The following CXCL12 variants were observed in gnomAD, a reference collection of about 807,000 sequenced individuals.
The protein encoded by CXCL12 is C-X-C motif chemokine ligand 12.
In CXCL12, 4 loss-of-function variants were observed where a neutral mutation model predicts 10.7. That is an observed-to-expected ratio of 0.37 (90% CI 0.18 to 0.86). The LOEUF (loss-of-function observed/expected upper bound fraction) is 0.86, where lower values mean the gene tolerates loss of function less well. Among genes scored for constraint, CXCL12 ranks in the 40% least tolerant of loss-of-function variants. The probability of loss-of-function intolerance (pLI) is 0.43; values close to 1 mark genes in which losing one functional copy is unlikely to be tolerated. For synonymous variants in CXCL12, 54 were observed against 45.4 expected, an observed-to-expected ratio of 1.19 and a Z score of -0.77; for missense variants, 122 against 110.4, an observed-to-expected ratio of 1.10 and a Z score of -0.47.
downstream of CXCL12, chr10:44,376,112 G>A (rs764222825): frequency 9.2e-5 from 136 of 1,484,928 alleles, no homozygotes; most frequent in Non-Finnish European, 1.1e-4. Flanking sequence ...TTTAACACTG[G>A]CCCGTGTACT....
chr10:44,383,076 G>A (rs1213746806), intron 1 of CXCL12, among the ~76,000 whole-genome samples: 2 of 152,326 alleles, frequency 1.3e-5, no homozygotes, highest in African/African-American at 2.4e-5. Flanking sequence ...CCCACCCTGA[G>A]TTTAAGCCCG....
At position 44,384,991 on chromosome 10, in the gene CXCL12, G is replaced by C. The variant is rs749996095; in HGVS notation, c.15C>G (p.Val5=). The C allele has an allele frequency of 7.6e-6, 7 of 922,750 alleles. No homozygotes were observed. The Admixed American group carries it at 1.7e-4, about 23-fold the overall frequency. The allele number at this position is 922,750 out of a possible 1,614,324, so 57.2% of individuals were successfully genotyped here. ...TCAGCACGAGGACCAGCACGACCAC[G>C]ACCTTGGCGTTCATGGCGCGGGCGG... MNAK[V]VVVLVLVLTA... The change falls in exon 1 of 3, where the codon GTC becomes GTG. Residue 5 remains valine, a synonymous_variant. Transcript: ENST00000343575.
intron 2 of CXCL12, 79 bp downstream of exon 2, chr10:44,380,684 A>T: frequency 8.0e-7 from 1 of 1,253,582 alleles, no homozygotes; most frequent in Non-Finnish European, 1.2e-6. Context: ...CTACACCTTT[A>T]ATAAGACTCG....
chr10:44,373,180 T>C, downstream of CXCL12: 3 of 1,539,016 alleles, frequency 1.9e-6, no homozygotes, highest in Non-Finnish European at 8.8e-7. Context: ...CATAATCAAA[T>C]GGTGAAAATA....
At chr10:44,382,112 C>T (rs1304828975) in intron 1 of CXCL12, among the ~76,000 whole-genome samples, 4 of 152,190 alleles carry the variant, frequency 2.6e-5, no homozygotes, top group African/African-American at 9.7e-5. Flanking sequence ...CCCCCCACTT[C>T]CTTGTCCCCA....
At chr10:44,371,472 A>G (rs1457427331), downstream of CXCL12, 1 of 321,080 alleles carries the variant, frequency 3.1e-6, no homozygotes, top group Non-Finnish European at 6.1e-6. Context: ...AAGGTTTTGA[A>G]AGAGTTCTGT....
At chr10:44,372,450 G>T, downstream of CXCL12, 1 of 231,850 alleles carries the variant, frequency 4.3e-6, no homozygotes, top group Non-Finnish European at 8.0e-6. Flanking sequence ...GGGGAACAGT[G>T]CATGCATCAA....
downstream of CXCL12, chr10:44,375,751 A>T: frequency 3.4e-6 from 4 of 1,184,434 alleles, no homozygotes; most frequent in South Asian, 6.5e-5. Context: ...TTAGCAGACC[A>T]ACAAGGGCCT....
chr10:44,383,615 G>T (rs866389924), intron 1 of CXCL12, among the ~76,000 whole-genome samples: 1 of 137,540 alleles, frequency 7.3e-6, no homozygotes, highest in Admixed American at 7.0e-5. Context: ...CTTGCGGGGG[G>T]GGGGGGGGGT....
Position 44,377,971 on chromosome 10 carries a change from G to A in CXCL12, c.*662C>T. 1.3e-6 allele frequency: 2 copies of A among 1,519,506 alleles called. No homozygotes were observed. Among genetic ancestry groups the A allele is most frequent in the South Asian group, 1.2e-5 (1 of 81,332 alleles). 94.1% of individuals were successfully genotyped at this position (1,519,506 alleles called of 1,614,324 possible). On this transcript the variant is annotated 3_prime_UTR_variant, in exon 3 of 3. Transcript: ENST00000343575. ...CGGAGTCGGGGAGAGAGTAGGAATA[G>A]CTGGGAGAGGGGTCTCTGAGCACAG...
downstream of CXCL12, chr10:44,372,927 G>C: frequency 6.5e-7 from 1 of 1,535,960 alleles, no homozygotes; most frequent in Non-Finnish European, 8.7e-7. Flanking sequence ...GCACCCCCAG[G>C]CGTCCCTCTT....
At chr10:44,379,761 C>A (rs1304992267) in intron 2 of CXCL12, among the ~76,000 whole-genome samples, 1 of 152,170 alleles carries the variant, frequency 6.6e-6, no homozygotes, top group Admixed American at 6.5e-5. Flanking sequence ...TCCAAGGTAG[C>A]TAAATTGAGC....
At chr10:44,375,673 T>C (rs995713398), downstream of CXCL12, among the ~76,000 whole-genome samples, 2 of 152,188 alleles carry the variant, frequency 1.3e-5, no homozygotes, top group Non-Finnish European at 2.9e-5. Context: ...CTGGACAGAG[T>C]CCTGAGCACA....
Position 44,384,927 on chromosome 10 carries a change from C to A in CXCL12, c.61+18G>T. ...AAGCCCAGAGCCTCGCCAGGGCCTCCCCGCCGAGCGCACTTACCGTCGCTG... is the reference window on the plus strand; with the variant it reads ...AAGCCCAGAGCCTCGCCAGGGCCTCACCGCCGAGCGCACTTACCGTCGCTG... On this transcript the variant is annotated intron_variant, in intron 1 of 2. Transcript: ENST00000343575. The A allele has an allele frequency of 6.5e-7, 1 of 1,547,350 alleles. No individual in the cohort carries two copies. The highest frequency in any genetic ancestry group is 8.6e-7 in the Non-Finnish European group (1 of 1,156,468).
chr10:44,376,943 G>T, downstream of CXCL12: 23 of 181,574 alleles, frequency 1.3e-4, no homozygotes, highest in Non-Finnish European at 2.3e-4. Flanking sequence ...CCAAAAACTT[G>T]AGCTGCAGAT....
chr10:44,385,064 G>C lies in CXCL12; in HGVS notation c.-59C>G, dbSNP rs1431714865. On this transcript the variant is annotated 5_prime_UTR_variant, in exon 1 of 3. Transcript: ENST00000343575. ...GCGGGTCGGGGGCCGGACGCCGAGCGGGCAATGCGGCTGACGGAGAGTGAA... is the reference window on the plus strand; with the variant it reads ...GCGGGTCGGGGGCCGGACGCCGAGCCGGCAATGCGGCTGACGGAGAGTGAA... 5 of 1,283,664 alleles carry C rather than the reference G, an allele frequency of 3.9e-6. No individual in the cohort carries two copies. The highest frequency in any genetic ancestry group is 1.5e-5 in the South Asian group (1 of 66,626). 79.5% of individuals were successfully genotyped at this position (1,283,664 alleles called of 1,614,324 possible).
downstream of CXCL12, among the ~76,000 whole-genome samples, chr10:44,373,888 G>A (rs1214340052): frequency 6.6e-6 from 1 of 152,200 alleles, no homozygotes; most frequent in Non-Finnish European, 1.5e-5. Flanking sequence ...ATGCTGGACA[G>A]AGCAGTGACC....
chr10:44,381,390 C>G (rs11239026), intron 1 of CXCL12, among the ~76,000 whole-genome samples: 1,533 of 152,330 alleles, frequency 0.01, 30 homozygotes, highest in African/African-American at 0.034. Flanking sequence ...TGCCCTCCCC[C>G]ACCCCAGAGA....
At chr10:44,381,030 C>G (rs571734588) in intron 1 of CXCL12, 150 bp from the exon 2 acceptor site, 2 of 733,322 alleles carry the variant, frequency 2.7e-6, no homozygotes, top group African/African-American at 3.4e-5. Context: ...TTGGGAAAGG[C>G]CATCTCCTCA....
Sources: allele counts gnomAD v4.1 joint callset (sites outside exome capture counted in the v4.1 genomes callset), GRCh38; gene constraint gnomAD v4.1.1; transcripts MANE v1.5; gene names NCBI Gene and HGNC (gene_info 2026-07-23, HGNC 2026-07-21).